The following PSORS1C1 variants were observed in gnomAD, a reference collection of about 807,000 sequenced individuals.
PSORS1C1 encodes the protein psoriasis susceptibility 1 candidate gene 1 protein.
A neutral mutation model predicts 9.4 loss-of-function variants in PSORS1C1; 7 were observed. The ratio of observed to expected loss-of-function variants is 0.75; its 90% CI spans 0.42 to 1.40. The LOEUF (loss-of-function observed/expected upper bound fraction) is 1.40, where lower values mean the gene tolerates loss of function less well. Among genes scored for constraint, PSORS1C1 ranks in the 40% most tolerant of loss-of-function variants. The pLI, the probability that PSORS1C1 is intolerant of heterozygous loss-of-function variation, is 0.01. For synonymous variants in PSORS1C1, 63 were observed against 69.4 expected, an observed-to-expected ratio of 0.91 and a Z score of 0.46; for missense variants, 146 against 178.1, an observed-to-expected ratio of 0.82 and a Z score of 1.02.
chr6:31,134,317 T>G (rs1410630784), intron 3 of PSORS1C1, among the ~76,000 whole-genome samples: 1 of 150,406 alleles, frequency 6.6e-6, no homozygotes, highest in Non-Finnish European at 1.5e-5. Context: ...TTGTTTGTTT[T>G]TTTGAGATGG....
At chr6:31,118,840 C>T (rs9263663) in intron 1 of PSORS1C1, 92,264 of 123,474 alleles carry the variant, frequency 0.75, 35,264 homozygotes, top group South Asian at 0.82. Flanking sequence ...TTTTCTTCTT[C>T]TTCTTTTTTT....
chr6:31,139,886 C>CCCTATT lies in PSORS1C1; in HGVS notation c.413_414insCCTATT (p.Ser138_Ser139insLeuLeu). 6.2e-7 allele frequency: 1 copy of CCCTATT among 1,613,066 alleles called. No homozygotes were observed. The highest frequency in any genetic ancestry group is 1.7e-5 in the Admixed American group (1 of 60,010). Reference sequence around the variant, plus strand: ...ACCTTGGCTCCAACTCTATTGTACTCGTCTCCTCCCTCCCATTCTCCTTTT... The same window carrying CCCTATT: ...ACCTTGGCTCCAACTCTATTGTACTCCCTATTGTCTCCTCCCTCCCATTCTCCTTTT... On this transcript the variant is annotated inframe_insertion, in exon 6 of 6. Coordinates refer to ENST00000259881, the MANE Select transcript of PSORS1C1 (RefSeq NM_014068.3). This position sits in a 1 kb window ranked among gnomAD's most constrained non-coding sequence, Gnocchi z 5.2.
In PSORS1C1 at chr6:31,137,018, C is replaced by T. The variant is rs1773169657; in HGVS notation, c.14-1412C>T. On this transcript the variant is annotated intron_variant, in intron 3 of 5. Coordinates refer to ENST00000259881, the MANE Select transcript of PSORS1C1 (RefSeq NM_014068.3). ...CAAAAATTAGCCGGGCATGGTGGTGCGCACCTGTAATCCCAGCTACTCAGA... is the reference window on the plus strand; with the variant it reads ...CAAAAATTAGCCGGGCATGGTGGTGTGCACCTGTAATCCCAGCTACTCAGA... Among the ~76,000 whole-genome samples the T allele has an allele frequency of 4.6e-5, 7 of 151,648 alleles. No individual in the cohort carries two copies. In the South Asian group the frequency reaches 1.5e-3, roughly 32 times the overall value.
chr6:31,129,220 A>G (rs1201394042), intron 2 of PSORS1C1, among the ~76,000 whole-genome samples: 1 of 152,010 alleles, frequency 6.6e-6, no homozygotes, highest in East Asian at 1.9e-4. Flanking sequence ...TGTCATGTCC[A>G]AGGTTCTGGG....
rs1368889795 is a variant in PSORS1C1 at position 31,124,365 on chromosome 6, A to G, written c.-228-1311A>G. Among the ~76,000 whole-genome samples, 4 of 152,304 alleles carry G rather than the reference A, an allele frequency of 2.6e-5. No individual in the cohort carries two copies. The South Asian group carries it at 8.3e-4, about 32-fold the overall frequency. On this transcript the variant is annotated intron_variant, in intron 1 of 5. Transcript: ENST00000259881. ...CGGACACGGTGCCTGGGTATTTAAC[A>G]TGAGTTGTCTTGTTCAATCTTCACA...
intron 3 of PSORS1C1, among the ~76,000 whole-genome samples, chr6:31,130,471 G>C (rs1268399143): frequency 1.3e-5 from 2 of 151,686 alleles, no homozygotes; most frequent in African/African-American, 4.8e-5. Flanking sequence ...GAGTGCAGTG[G>C]TGCGACCTCG....
In PSORS1C1 at chr6:31,139,102, G is replaced by A; in HGVS notation, c.167+323G>A. 8.0e-7 allele frequency: 1 copy of A among 1,255,236 alleles called. No individual in the cohort carries two copies. Among genetic ancestry groups the A allele is most frequent in the Non-Finnish European group, 1.2e-6 (1 of 858,968 alleles). The allele number at this position is 1,255,236 out of a possible 1,614,324, so 77.8% of individuals were successfully genotyped here. On this transcript the variant is annotated intron_variant, in intron 5 of 5. Coordinates refer to ENST00000259881, the MANE Select transcript of PSORS1C1 (RefSeq NM_014068.3). This position sits in a 1 kb window ranked among gnomAD's most constrained non-coding sequence, Gnocchi z 5.2. ...GAACCCCAAGAGGCTTTATAGGGGAGGAGTGGAGGAGGGACCAGCCCAGTG... is the reference window on the plus strand; with the variant it reads ...GAACCCCAAGAGGCTTTATAGGGGAAGAGTGGAGGAGGGACCAGCCCAGTG...
In PSORS1C1 at chr6:31,117,919, A is replaced by T. The variant is rs1939597671; in HGVS notation, c.-229+3028A>T. The T allele has an allele frequency of 5.7e-5, 13 of 229,112 alleles. No homozygotes were observed. In the South Asian group the frequency reaches 9.3e-4, roughly 16 times the overall value. The allele number at this position is 229,112 out of a possible 1,614,324, so 14.2% of individuals were successfully genotyped here. A position where few individuals can be genotyped will look rare whatever the true frequency, so the allele number is the denominator to read the frequency against. On this transcript the variant is annotated intron_variant, in intron 1 of 5. Coordinates refer to ENST00000259881, the MANE Select transcript of PSORS1C1 (RefSeq NM_014068.3). ...TTCAAGACCAGCCTGGGCAACATAG[A>T]CCCCGTCTGTATTTTGTTTTTTAAT...
At position 31,128,768 on chromosome 6, in the gene PSORS1C1, G is replaced by C. The variant is rs1772787328; in HGVS notation, c.-64-801G>C. Among the ~76,000 whole-genome samples, 1 of 151,978 alleles carries C rather than the reference G, an allele frequency of 6.6e-6. No individual in the cohort carries two copies. The highest frequency in any genetic ancestry group is 2.1e-4 in the South Asian group (1 of 4,804). On this transcript the variant is annotated intron_variant, in intron 2 of 5. Coordinates refer to ENST00000259881, the MANE Select transcript of PSORS1C1 (RefSeq NM_014068.3). This position sits in a 1 kb window ranked among gnomAD's most constrained non-coding sequence, Gnocchi z 4.3. ...TCTAATAATTTTGAAACATGAAATT[G>C]GCAGAGAAGTTAGGAGTCCCTCCTG... is the stretch of plus-strand genomic sequence containing the variant.
At chr6:31,126,245 A>G (rs1380236420) in intron 2 of PSORS1C1, among the ~76,000 whole-genome samples, 2 of 152,116 alleles carry the variant, frequency 1.3e-5, no homozygotes, top group African/African-American at 2.4e-5. Flanking sequence ...GGGATGCAAC[A>G]CATTTTTATG....
chr6:31,138,126 GT>G (rs778377927), intron 3 of PSORS1C1: 96 of 1,605,606 alleles, frequency 6.0e-5, no homozygotes, highest in Non-Finnish European at 8.1e-5. Flanking sequence ...CCAGACTCCA[GT>G]TTCAGGCAGG....
intron 3 of PSORS1C1, among the ~76,000 whole-genome samples, chr6:31,134,709 C>A (rs1177002790): frequency 2.0e-5 from 3 of 152,220 alleles, no homozygotes. Flanking sequence ...CCTCTTCATC[C>A]CTAACCCTGG....
intron 5 of PSORS1C1, 175 bp downstream of exon 5, chr6:31,138,954 C>T (rs1219766235): frequency 6.2e-7 from 1 of 1,613,490 alleles, no homozygotes; most frequent in African/African-American, 1.3e-5. Context: ...GCAGTCCCTG[C>T]CTCTGTTCCC....
intron 5 of PSORS1C1, chr6:31,138,987 A>C: frequency 6.2e-7 from 1 of 1,614,100 alleles, no homozygotes; most frequent in Non-Finnish European, 8.5e-7. Context: ...GTGTGCAGGC[A>C]AAGGACCAGG....
At chr6:31,138,490 A>G (rs1773276872) in intron 4 of PSORS1C1, 31 bp downstream of exon 4, 1 of 1,611,700 alleles carries the variant, frequency 6.2e-7, no homozygotes, top group Non-Finnish European at 8.5e-7. Context: ...CTGATGGTAA[A>G]ATGTCATGAA....
rs182905398 is a variant in PSORS1C1 at position 31,129,146 on chromosome 6, G to A, written c.-64-423G>A. On this transcript the variant is annotated intron_variant, in intron 2 of 5. Transcript: ENST00000259881. ...CAAGGTAACTTAGCTTGTATAATTA[G>A]ATTTTACCGTGATACTAGTTCTAGG... 6.1e-4 allele frequency among the ~76,000 whole-genome samples: 93 copies of A among 152,136 alleles called. No individual in the cohort carries two copies. In the East Asian group the frequency reaches 7.9e-3, roughly 13 times the overall value.
At position 31,115,948 on chromosome 6, in the gene PSORS1C1, C is replaced by A; in HGVS notation, c.-229+1057C>A. On this transcript the variant is annotated intron_variant, in intron 1 of 5. Coordinates refer to ENST00000259881, the MANE Select transcript of PSORS1C1 (RefSeq NM_014068.3). This position sits in a 1 kb window ranked among gnomAD's most constrained non-coding sequence, Gnocchi z 4.2. ...ACTGAGCTAACCCTATGCCTGGGCACTGGACTTCTCCCATATGGGATATAG... is the reference window on the plus strand; with the variant it reads ...ACTGAGCTAACCCTATGCCTGGGCAATGGACTTCTCCCATATGGGATATAG... 1 of 1,333,688 alleles carries A rather than the reference C, an allele frequency of 7.5e-7. No homozygotes were observed. 82.6% of individuals were successfully genotyped at this position (1,333,688 alleles called of 1,614,324 possible). A position where few individuals can be genotyped will look rare whatever the true frequency, so the allele number is the denominator to read the frequency against.
intron 1 of PSORS1C1, chr6:31,118,860 T>TTTTC (rs1772310750): frequency 6.7e-6 from 1 of 149,038 alleles, no homozygotes; most frequent in African/African-American, 2.5e-5. Context: ...TTTTTTTTTT[T>TTTTC]TGTGAGATGG....
At chr6:31,134,357 C>G (rs1047245324) in intron 3 of PSORS1C1, among the ~76,000 whole-genome samples, 10 of 151,730 alleles carry the variant, frequency 6.6e-5, no homozygotes, top group Non-Finnish European at 1.2e-4. Flanking sequence ...GGCTGGAGTG[C>G]AGTGGCACGA....
Sources: allele counts gnomAD v4.1 joint callset (sites outside exome capture counted in the v4.1 genomes callset), GRCh38; gene constraint gnomAD v4.1.1; non-coding constraint Gnocchi (gnomAD v3.1); transcripts MANE v1.5; gene names NCBI Gene and HGNC (gene_info 2026-07-23, HGNC 2026-07-21).